TANC1: variants seen among roughly 807,000 people sequenced by gnomAD.
The protein encoded by TANC1 is tetratricopeptide repeat, ankyrin repeat and coiled-coil containing 1, also known as protein TANC1.
Under a neutral mutation model 149.7 loss-of-function variants are expected in TANC1, and 77 were observed. The ratio of observed to expected loss-of-function variants is 0.51; its 90% CI spans 0.43 to 0.62. TANC1 has a LOEUF of 0.62. TANC1 is among the 20% of genes least tolerant of loss of function. TANC1 has a pLI of 0.00. For synonymous variants in TANC1, 854 were observed against 925.0 expected (o/e 0.92, Z 1.39); for missense variants, 1,985 against 2,321.8 (o/e 0.85, Z 2.98).
rs1432797621 is a variant in TANC1, at chr2:159,001,715, G to T, written c.-16+526G>T. ...ATGAGGTAAACTCTGCTGTACAGAT[G>T]AGGAATCTCAGGTTTAACCAGATTA... On this transcript the variant is annotated intron_variant, in intron 2 of 26. Transcript: ENST00000263635. This position sits in a 1 kb window ranked among gnomAD's most constrained non-coding sequence, Gnocchi z 4.3. Among the ~76,000 whole-genome samples the T allele has an allele frequency of 6.6e-6, 1 of 152,214 alleles. No individual in the cohort carries two copies. The highest frequency in any genetic ancestry group is 1.5e-5 in the Non-Finnish European group (1 of 68,048).
At chr2:159,057,398 C>T (rs2041930963) in intron 2 of TANC1, among the ~76,000 whole-genome samples, 1 of 152,142 alleles carries the variant, frequency 6.6e-6, no homozygotes, top group African/African-American at 2.4e-5. Context: ...CCTTTGTGTC[C>T]CTTGTTGTTT....
At chr2:159,084,984 AG>A (rs1390551118) in intron 3 of TANC1, among the ~76,000 whole-genome samples, 10 of 152,152 alleles carry the variant, frequency 6.6e-5, no homozygotes, top group Admixed American at 4.6e-4. Context: ...ATCTGCAGCA[AG>A]GGGGCAATGA....
chr2:159,110,226 C>T (rs2047590839), intron 4 of TANC1, among the ~76,000 whole-genome samples: 1 of 152,194 alleles, frequency 6.6e-6, no homozygotes, highest in Non-Finnish European at 1.5e-5. Flanking sequence ...AAATGAGTGA[C>T]ACAAAGCCAT....
chr2:159,229,416 G>A (rs1183578876), intron 26 of TANC1, among the ~76,000 whole-genome samples, 162 bp from the exon 27 acceptor site: 1 of 152,164 alleles, frequency 6.6e-6, no homozygotes, highest in Non-Finnish European at 1.5e-5. Flanking sequence ...CCACTTAGCT[G>A]AGTTACTCTG....
Position 159,065,947 on chromosome 2 carries a change from G to A in TANC1, c.37G>A (p.Gly13Arg). 1 of 1,613,914 alleles carries A rather than the reference G, an allele frequency of 6.2e-7. No homozygotes were observed. Residue 13 changes from glycine to arginine, a missense_variant, in exon 3 of 27, where the codon GGA becomes AGA. By Grantham distance (125) the Gly-to-Arg change is moderately radical. Around this residue, in one of 3 missense-constraint regions of TANC1, gnomAD observed 557 missense variants for 612.9 expected, o/e 0.91. Transcript: ENST00000263635. Reference protein sequence around the residue: ...KAVLKKSREGGKGGKKEAGSD... With the variant: ...KAVLKKSREGRKGGKKEAGSD... ...TGTGCTGAAGAAGAGCCGAGAGGGAGGAAAGGGAGGCAAGAAGGAAGCAGG... is the reference window on the plus strand; with the variant it reads ...TGTGCTGAAGAAGAGCCGAGAGGGAAGAAAGGGAGGCAAGAAGGAAGCAGG...
intron 13 of TANC1, among the ~76,000 whole-genome samples, chr2:159,177,707 G>A (rs1033687329): frequency 2.6e-5 from 4 of 152,164 alleles, no homozygotes; most frequent in Non-Finnish European, 5.9e-5. Context: ...TATATTAAAT[G>A]AGCACGTGCA....
intron 4 of TANC1, among the ~76,000 whole-genome samples, chr2:159,128,587 G>T (rs533766378): frequency 6.6e-6 from 1 of 152,288 alleles, no homozygotes; most frequent in South Asian, 2.1e-4. Flanking sequence ...CTGTAAGATG[G>T]TGTCTTTGGA....
At chr2:158,990,748 G>C (rs906651260) in intron 1 of TANC1, among the ~76,000 whole-genome samples, 1 of 152,090 alleles carries the variant, frequency 6.6e-6, no homozygotes, top group African/African-American at 2.4e-5. Flanking sequence ...GTGTGAACTT[G>C]CTGGTGGGCC....
At chr2:159,000,718 AGGG>A (rs2036548540) in intron 1 of TANC1, among the ~76,000 whole-genome samples, 1 of 151,568 alleles carries the variant, frequency 6.6e-6, no homozygotes, top group Non-Finnish European at 1.5e-5. Flanking sequence ...CTCAGGAGGG[AGGG>A]GGTGTGCGAG....
At chr2:158,990,645 A>C (rs1245757552) in intron 1 of TANC1, among the ~76,000 whole-genome samples, 4 of 152,144 alleles carry the variant, frequency 2.6e-5, no homozygotes, top group Non-Finnish European at 4.4e-5. Flanking sequence ...CAATGGATGG[A>C]GTATTTAGGA....
intron 3 of TANC1, among the ~76,000 whole-genome samples, chr2:159,086,216 A>AT (rs5835733): frequency 0.24 from 35,955 of 148,042 alleles, 4,268 homozygotes; most frequent in East Asian, 0.41. Context: ...GTGTATTTGG[A>AT]TTTTTTTTTT....
At chr2:159,189,855 A>G (rs1245851890) in intron 16 of TANC1, among the ~76,000 whole-genome samples, 10 of 152,204 alleles carry the variant, frequency 6.6e-5, no homozygotes, top group Admixed American at 6.5e-4. Flanking sequence ...GAAACTTTCA[A>G]GCTCCCAGGT....
intron 1 of TANC1, among the ~76,000 whole-genome samples, chr2:158,996,250 C>G (rs568527475): frequency 6.6e-6 from 1 of 152,212 alleles, no homozygotes; most frequent in East Asian, 1.9e-4. Context: ...GTCCCAGCCA[C>G]TCGTGAGGCT....
At chr2:159,143,079 C>CAAAAA (rs57371944) in intron 5 of TANC1, among the ~76,000 whole-genome samples, 2 of 133,862 alleles carry the variant, frequency 1.5e-5, no homozygotes, top group African/African-American at 5.5e-5. Flanking sequence ...AAAAAAAAAA[C>CAAAAA]AACAAAACAA....
intron 2 of TANC1, among the ~76,000 whole-genome samples, chr2:159,023,880 A>T (rs1333709282): frequency 6.6e-6 from 1 of 152,036 alleles, no homozygotes; most frequent in Non-Finnish European, 1.5e-5. Context: ...AGGCAGGAGA[A>T]TCACTTGAAC....
Position 159,231,128 on chromosome 2 carries a change from G to A in TANC1, c.*116G>A. On this transcript the variant is annotated 3_prime_UTR_variant, in exon 27 of 27. Coordinates refer to ENST00000263635, the MANE Select transcript of TANC1 (RefSeq NM_033394.3). ...TTTAGCCATTTTTTTTCTTTGGGGT[G>A]GATCTGATGCCATTGATATATCTAA... The A allele has an allele frequency of 1.3e-6, 1 of 776,524 alleles. No individual in the cohort carries two copies. The highest frequency in any genetic ancestry group is 2.0e-5 in the South Asian group (1 of 49,240). 48.1% of individuals were successfully genotyped at this position (776,524 alleles called of 1,614,324 possible). A position where few individuals can be genotyped will look rare whatever the true frequency, so the allele number is the denominator to read the frequency against.
chr2:159,198,078 A>G (rs1482026725), intron 18 of TANC1, among the ~76,000 whole-genome samples: 2 of 152,056 alleles, frequency 1.3e-5, no homozygotes, highest in Non-Finnish European at 2.9e-5. Flanking sequence ...CTCCATCTCC[A>G]AAGTGCCTTA....
Position 159,176,505 on chromosome 2 carries a change from G to C in TANC1, c.1889G>C (p.Arg630Thr). The C allele has an allele frequency of 6.3e-7, 1 of 1,590,100 alleles. No homozygotes were observed. The highest frequency in any genetic ancestry group is 8.5e-7 in the Non-Finnish European group (1 of 1,174,210). Residue 630 changes from arginine to threonine, a missense_variant, in exon 13 of 27, where the codon AGA (arginine) becomes ACA (threonine). By Grantham distance (71) the Arg-to-Thr change is moderately conservative (BLOSUM62 -1). Coordinates refer to ENST00000263635, the MANE Select transcript of TANC1 (RefSeq NM_033394.3). ...PAWLKLIVTVRANFQEIISAL... is the reference protein window; with the variant it reads ...PAWLKLIVTVTANFQEIISAL... Reference sequence around the variant, plus strand: ...TGGTTGAAGTTGATTGTGACTGTAAGAGCAAATTTTCAGGTAACAAAGAAT... The same window carrying C: ...TGGTTGAAGTTGATTGTGACTGTAACAGCAAATTTTCAGGTAACAAAGAAT...
chr2:159,091,429 C>T (rs1035402601), intron 3 of TANC1, among the ~76,000 whole-genome samples: 1 of 152,128 alleles, frequency 6.6e-6, no homozygotes, highest in Non-Finnish European at 1.5e-5. Flanking sequence ...TTAAATTGCA[C>T]CCCTCTGGGA....
Sources: allele counts gnomAD v4.1 joint callset (sites outside exome capture counted in the v4.1 genomes callset), GRCh38; gene constraint gnomAD v4.1.1; regional missense constraint gnomAD v4.1.1; non-coding constraint Gnocchi (gnomAD v3.1); transcripts MANE v1.5; gene names NCBI Gene and HGNC (gene_info 2026-07-23, HGNC 2026-07-21).